COL24A1: variants seen among roughly 807,000 people sequenced by gnomAD.
The protein encoded by COL24A1 is collagen alpha-1(XXIV) chain.
A neutral mutation model predicts 253.9 loss-of-function variants in COL24A1; 224 were observed. That is an observed-to-expected ratio of 0.88 (90% CI 0.79 to 0.99). The LOEUF (loss-of-function observed/expected upper bound fraction) is 0.99. Among genes scored for constraint, COL24A1 ranks in the 50% least tolerant of loss-of-function variants. The pLI, the probability that COL24A1 is intolerant of heterozygous loss-of-function variation, is 0.00. For synonymous variants in COL24A1, 685 were observed against 673.7 expected (o/e 1.02, Z -0.26); for missense variants, 2,131 against 2,068.5 (o/e 1.03, Z -0.59).
At chr1:85,936,269 T>C (rs141429918) in intron 24 of COL24A1, among the ~76,000 whole-genome samples, 2,855 of 147,424 alleles carry the variant, frequency 0.019, 306 homozygotes, top group Non-Finnish European at 0.022. Context: ...ACAAGTGGCC[T>C]ACTTCTTATT....
At chr1:85,982,117 A>G (rs1274628048) in intron 20 of COL24A1, among the ~76,000 whole-genome samples, 4 of 152,156 alleles carry the variant, frequency 2.6e-5, no homozygotes, top group South Asian at 4.1e-4. Flanking sequence ...TCATGTTACC[A>G]GATGGATGAA....
intron 7 of COL24A1, among the ~76,000 whole-genome samples, chr1:86,083,711 T>C (rs1285239543): frequency 1.3e-5 from 2 of 152,006 alleles, no homozygotes; most frequent in South Asian, 4.1e-4. Context: ...TCAGTGAAAA[T>C]AAGACAGCAG....
At chr1:86,123,892 C>T (rs1162161025) in intron 3 of COL24A1, among the ~76,000 whole-genome samples, 1 of 151,790 alleles carries the variant, frequency 6.6e-6, no homozygotes, top group African/African-American at 2.4e-5. Context: ...TTCACCTTCT[C>T]CCATTCTATG....
intron 19 of COL24A1, among the ~76,000 whole-genome samples, chr1:86,015,594 A>G (rs629719): frequency 0.31 from 47,240 of 151,926 alleles, 7,865 homozygotes; most frequent in Middle Eastern, 0.51. Context: ...TAATAATAGG[A>G]CAATACAGTC....
At chr1:86,031,823 A>G (rs372270918) in intron 14 of COL24A1, 55 bp downstream of exon 14, 3 of 1,442,244 alleles carry the variant, frequency 2.1e-6, no homozygotes, top group Non-Finnish European at 2.9e-6. Context: ...TCTAACACAT[A>G]TAAATTGCAC....
rs1186568001 is a variant in COL24A1, at chr1:86,125,699, T to C, written c.637A>G (p.Ile213Val). The C allele has an allele frequency of 4.3e-6, 7 of 1,610,506 alleles. No individual in the cohort carries two copies. The highest frequency in any genetic ancestry group is 1.7e-5 in the Admixed American group (1 of 59,688). ...TGACATACTATTCCTTCAAAATGGA[T>C]AGAATTATTATTCATACTTCCTAAA... is the stretch of plus-strand genomic sequence containing the variant. ...FTLGSMNNNS[I>V]HFEGIVCQLD... Residue 213 changes from isoleucine (I) to valine (V), a missense_variant, in exon 3 of 60, where the codon ATC becomes GTC. Physicochemically the swap from Ile to Val is conservative, Grantham distance 29 (BLOSUM62 3). Transcript: ENST00000370571.
At chr1:86,099,002 A>AT (rs1163343857) in intron 5 of COL24A1, among the ~76,000 whole-genome samples, 1 of 152,168 alleles carries the variant, frequency 6.6e-6, no homozygotes, top group African/African-American at 2.4e-5. Context: ...TAACTGCAAA[A>AT]TACACAATCT....
intron 18 of COL24A1, among the ~76,000 whole-genome samples, chr1:86,019,422 T>TGGTGGTGGACCATACCCA (rs145379133): frequency 0.31 from 46,450 of 150,020 alleles, 7,711 homozygotes; most frequent in Middle Eastern, 0.51. Context: ...TAGCTGGGTA[T>TGGTGGTGGACCATACCCA]GGTGGTGGAC....
At chr1:85,819,739 G>A (rs1297449137) in intron 45 of COL24A1, among the ~76,000 whole-genome samples, 1 of 152,094 alleles carries the variant, frequency 6.6e-6, no homozygotes, top group Non-Finnish European at 1.5e-5. Context: ...CCTCAAGCTG[G>A]GGAAAGGGAA....
rs574800499 is a variant in COL24A1 at position 86,060,375 on chromosome 1, C to T, written c.1753-1201G>A. Among the ~76,000 whole-genome samples, 15 of 152,084 alleles carry T rather than the reference C, an allele frequency of 9.9e-5. No individual in the cohort carries two copies. In the East Asian group the frequency reaches 2.7e-3, roughly 27 times the overall value. ...CTTATTTATCACCTAAAATTTCTTT[C>T]CTGTTTGTTTATAAATGATATAATG... On this transcript the variant is annotated intron_variant, in intron 8 of 59. Transcript: ENST00000370571.
Position 85,902,877 on chromosome 1 carries a change from T to C in COL24A1, c.2778+4317A>G, listed in dbSNP as rs1164751406. Among the ~76,000 whole-genome samples the C allele has an allele frequency of 2.0e-5, 3 of 152,194 alleles. No homozygotes were observed. The East Asian group carries it at 5.8e-4, about 29-fold the overall frequency. On this transcript the variant is annotated intron_variant, in intron 28 of 59. Transcript: ENST00000370571. The stretch of plus-strand genomic sequence containing the variant: ...GACTATAGTTAGCAATAATTTATTG[T>C]ATATTTCAAAATAACCAGAAGAGTG...
chr1:86,076,724 C>G (rs1471405736), intron 7 of COL24A1, among the ~76,000 whole-genome samples: 1 of 152,102 alleles, frequency 6.6e-6, no homozygotes. Flanking sequence ...ACAAACCTGA[C>G]AAAAACAAGC....
At chr1:85,761,057 A>G (rs1308307100) in intron 55 of COL24A1, among the ~76,000 whole-genome samples, 1 of 152,156 alleles carries the variant, frequency 6.6e-6, no homozygotes, top group Non-Finnish European at 1.5e-5. Flanking sequence ...GAGAACATTT[A>G]AAAAAGGAGA....
At chr1:85,989,926 G>A (rs1022281897) in intron 19 of COL24A1, among the ~76,000 whole-genome samples, 1 of 152,104 alleles carries the variant, frequency 6.6e-6, no homozygotes, top group African/African-American at 2.4e-5. Context: ...ACACCATCCT[G>A]GGGTCCTATA....
intron 39 of COL24A1, among the ~76,000 whole-genome samples, chr1:85,845,339 ATGT>A (rs1330866477): frequency 6.6e-6 from 1 of 151,902 alleles, no homozygotes; most frequent in African/African-American, 2.4e-5. Context: ...ATCTAAAAAA[ATGT>A]TGTAAAAGGA....
intron 57 of COL24A1, among the ~76,000 whole-genome samples, chr1:85,738,744 C>G (rs1230562506): frequency 6.6e-6 from 1 of 152,160 alleles, no homozygotes; most frequent in Non-Finnish European, 1.5e-5. Flanking sequence ...TCTAGCTCAT[C>G]CTGAGTTTCC....
At chr1:85,905,313 T>C (rs112465985) in intron 28 of COL24A1, among the ~76,000 whole-genome samples, 11 of 152,158 alleles carry the variant, frequency 7.2e-5, no homozygotes, top group African/African-American at 2.4e-4. Context: ...GTGAAAAACA[T>C]TGGGAAGAAT....
At chr1:86,012,514 A>T (rs1411077598) in intron 19 of COL24A1, among the ~76,000 whole-genome samples, 2 of 152,106 alleles carry the variant, frequency 1.3e-5, no homozygotes, top group African/African-American at 4.8e-5. Flanking sequence ...GCTTGAACCC[A>T]GGAGGCGGAG....
At position 85,784,135 on chromosome 1, in the gene COL24A1, A is replaced by G; in HGVS notation, c.4199T>C (p.Phe1400Ser). 6.2e-7 allele frequency: 1 copy of G among 1,613,682 alleles called. No homozygotes were observed. The highest frequency in any genetic ancestry group is 8.5e-7 in the Non-Finnish European group (1 of 1,179,722). ...TACTTTAGGGCCTGGGAATCCTTGG[A>G]AACCTGTCAAACCTTGAACACCATA... ...GEYGVQGLTG[F>S]QGFPGPKGPE... Residue 1400 changes from phenylalanine to serine, a missense_variant, in exon 50 of 60, where the codon TTC becomes TCC. Transcript: ENST00000370571.
Sources: allele counts gnomAD v4.1 joint callset (sites outside exome capture counted in the v4.1 genomes callset), GRCh38; gene constraint gnomAD v4.1.1; transcripts MANE v1.5; gene names NCBI Gene and HGNC (gene_info 2026-07-23, HGNC 2026-07-21).